PCDHA7: variants seen among roughly 807,000 people sequenced by gnomAD.
PCDHA7 encodes protocadherin alpha-7.
PCDHA7 carries 37 observed loss-of-function variants against 57.2 expected under a neutral mutation model. The observed-to-expected ratio is 0.65, with a 90% CI of 0.50 to 0.85. PCDHA7 has a LOEUF of 0.85. Among genes scored for constraint, PCDHA7 ranks in the 40% least tolerant of loss-of-function variants. The probability of loss-of-function intolerance (pLI) is 0.00; values close to 1 mark genes in which losing one functional copy is unlikely to be tolerated. For missense variants in PCDHA7, 1,188 were observed against 1,241.8 expected (o/e 0.96, Z 0.65); for synonymous variants, 553 against 558.8 (o/e 0.99, Z 0.15).
intron 1 of PCDHA7, chr5:140,877,061 T>A (rs2056822485): frequency 3.1e-6 from 5 of 1,612,978 alleles, no homozygotes; most frequent in African/African-American, 1.3e-5. Flanking sequence ...GAGCTGGAGC[T>A]GCTGCAGTTC....
In PCDHA7 at chr5:140,856,941, C is replaced by A. The variant is rs782304851; in HGVS notation, c.2355+20203C>A. The A allele has an allele frequency of 2.5e-6, 4 of 1,592,588 alleles. No homozygotes were observed. The South Asian group carries it at 3.3e-5, about 13-fold the overall frequency. On this transcript the variant is annotated intron_variant, in intron 1 of 3. Coordinates refer to ENST00000525929, the MANE Select transcript of PCDHA7 (RefSeq NM_018910.3). The stretch of plus-strand genomic sequence containing the variant: ...AGGAAATTTTGGATAAACGAAAGGA[C>A]GGGAGAAATAAAAGTAAATGATGCT...
intron 1 of PCDHA7, chr5:140,856,613 A>G: frequency 6.3e-7 from 1 of 1,598,082 alleles, no homozygotes; most frequent in Non-Finnish European, 8.6e-7. Flanking sequence ...AGACAAAGAC[A>G]AATTCCCAGT....
rs148102793 is a variant in PCDHA7 at position 140,873,087 on chromosome 5, G to A, written c.2355+36349G>A. Among the ~76,000 whole-genome samples, 818 of 152,138 alleles carry A rather than the reference G, an allele frequency of 5.4e-3. 4 individuals carry two copies. Among genetic ancestry groups the A allele is most frequent in the Middle Eastern group, 0.014 (4 of 294 alleles). On this transcript the variant is annotated intron_variant, in intron 1 of 3. Coordinates refer to ENST00000525929, the MANE Select transcript of PCDHA7 (RefSeq NM_018910.3). ...AATCATATCTAGCTATTTCCCCCCC[G>A]TATAGAGGCATAACATACCATTTGG...
intron 1 of PCDHA7, chr5:140,877,281 T>TA (rs782748230): frequency 8.7e-6 from 14 of 1,613,708 alleles, no homozygotes; most frequent in Non-Finnish European, 1.2e-5. Context: ...ACTCCGGCTA[T>TA]AACGCTTGGC....
At position 140,835,855 on chromosome 5, in the gene PCDHA7, C is replaced by T. The variant is rs2150246728; in HGVS notation, c.1472C>T (p.Ser491Phe). The change falls in exon 1 of 4, where the codon TCC becomes TTC. Residue 491 changes from serine to phenylalanine, a missense_variant. By Grantham distance (155) the Ser-to-Phe change is radical. Coordinates refer to ENST00000525929, the MANE Select transcript of PCDHA7 (RefSeq NM_018910.3). ...GACGCGCAGAAGAACGCGCTGGTGT[C>T]CTACTCGCTGGTGGAGCTGCGGGTG... ...DADAQKNALV[S>F]YSLVELRVGE... 9.9e-6 allele frequency: 16 copies of T among 1,612,246 alleles called. 1 individual carries two copies. In the East Asian group the frequency reaches 3.6e-4, roughly 36 times the overall value.
intron 1 of PCDHA7, among the ~76,000 whole-genome samples, chr5:140,840,200 G>T (rs1412931294): frequency 6.6e-6 from 1 of 151,990 alleles, no homozygotes; most frequent in South Asian, 2.1e-4. Flanking sequence ...CAAAGGAAAA[G>T]AAGTCATAAA....
At chr5:140,962,438 GATGGCTTGAATCTCTT>G (rs1298191516) in intron 1 of PCDHA7, among the ~76,000 whole-genome samples, 11 of 152,108 alleles carry the variant, frequency 7.2e-5, no homozygotes, top group East Asian at 5.8e-4. Flanking sequence ...CTTATCCAAA[GATGGCTTGAATCTCTT>G]ATGGCTTGAA....
At chr5:140,841,722 G>T in intron 1 of PCDHA7, 1 of 1,613,870 alleles carries the variant, frequency 6.2e-7, no homozygotes, top group Non-Finnish European at 8.5e-7. Flanking sequence ...CCAGTGTTCC[G>T]GGTAAAAGAC....
intron 1 of PCDHA7, among the ~76,000 whole-genome samples, chr5:140,907,186 C>A (rs782137829): frequency 1.3e-4 from 20 of 152,186 alleles, no homozygotes; most frequent in Non-Finnish European, 2.5e-4. Context: ...AGAGCATACA[C>A]AACCTTCTGG....
intron 1 of PCDHA7, chr5:140,967,369 G>A (rs147557274): frequency 2.4e-5 from 38 of 1,607,564 alleles, no homozygotes; most frequent in Non-Finnish European, 2.9e-5. Context: ...AGCCCCTGCA[G>A]GAGAACAGTA....
intron 1 of PCDHA7, among the ~76,000 whole-genome samples, chr5:140,975,246 G>T (rs1304794782): frequency 6.6e-6 from 1 of 152,136 alleles, no homozygotes; most frequent in Non-Finnish European, 1.5e-5. Context: ...TCCCTCTTAT[G>T]CTTCAGATCT....
chr5:140,925,282 T>C (rs1371569064), intron 1 of PCDHA7, among the ~76,000 whole-genome samples: 1 of 152,184 alleles, frequency 6.6e-6, no homozygotes, highest in Admixed American at 6.5e-5. Context: ...GATTTTGCCT[T>C]TCAAATGTTT....
At chr5:140,929,331 C>G in intron 1 of PCDHA7, 1 of 1,534,960 alleles carries the variant, frequency 6.5e-7, no homozygotes, top group Non-Finnish European at 8.8e-7. Context: ...CCATGGTAAG[C>G]AAATTTTATG....
intron 1 of PCDHA7, chr5:140,929,574 G>A: frequency 2.2e-6 from 1 of 448,534 alleles, no homozygotes; most frequent in Non-Finnish European, 3.9e-6. Flanking sequence ...AACAATAAAA[G>A]TAATATGACA....
At chr5:140,967,390 G>A (rs2096135950) in intron 1 of PCDHA7, 2 of 1,609,752 alleles carry the variant, frequency 1.2e-6, no homozygotes, top group African/African-American at 1.3e-5. Context: ...AAGTGCTTGA[G>A]CTGGTGCTGC....
At chr5:141,000,395 CTATATATA>C (rs1190667031) in intron 3 of PCDHA7, among the ~76,000 whole-genome samples, 7 of 53,980 alleles carry the variant, frequency 1.3e-4, no homozygotes, top group South Asian at 8.9e-4. Flanking sequence ...CTCTCTCTCT[CTATATATA>C]TATATATATA....
chr5:140,937,130 C>T (rs899242411), intron 1 of PCDHA7, among the ~76,000 whole-genome samples: 12 of 151,674 alleles, frequency 7.9e-5, no homozygotes, highest in Non-Finnish European at 1.3e-4. Flanking sequence ...CTCCGCCTCC[C>T]GGGTTCATGC....
At chr5:140,869,400 C>G (rs782134920) in intron 1 of PCDHA7, 3 of 1,614,144 alleles carry the variant, frequency 1.9e-6, no homozygotes, top group Middle Eastern at 3.3e-4. Context: ...GCGGGCAGAG[C>G]GCGGAGTGCA....
chr5:140,928,732 A>G, intron 1 of PCDHA7: 1 of 1,614,114 alleles, frequency 6.2e-7, no homozygotes, highest in South Asian at 1.1e-5. Context: ...AATTTCAGCC[A>G]ATATAGGTGA....
Sources: gnomAD v4.1 joint callset for allele counts (sites outside exome capture counted in the v4.1 genomes callset) on GRCh38, gnomAD v4.1.1 for gene constraint, MANE v1.5 for transcripts, NCBI Gene and HGNC (gene_info 2026-07-23, HGNC 2026-07-21) for gene names.